Variants in PTPRZ1 observed in about 807,000 individuals in gnomAD.
The protein encoded by PTPRZ1 is protein tyrosine phosphatase receptor type Z1.
A neutral mutation model predicts 214.1 loss-of-function variants in PTPRZ1; 82 were observed. The ratio of observed to expected loss-of-function variants is 0.38; its 90% CI spans 0.32 to 0.46. The LOEUF is 0.46. Among genes scored for constraint, PTPRZ1 ranks in the 20% least tolerant of loss-of-function variants. The pLI is 1.00. For synonymous variants in PTPRZ1, 945 were observed against 987.9 expected (o/e 0.96, Z 0.81); for missense variants, 2,603 against 2,748.7 (o/e 0.95, Z 1.19).
chr7:122,023,477 A>G (rs1187005605), intron 13 of PTPRZ1, among the ~76,000 whole-genome samples: 1 of 139,530 alleles, frequency 7.2e-6, no homozygotes, highest in African/African-American at 2.6e-5. Flanking sequence ...TTATATATAT[A>G]TATAATTTTA....
intron 2 of PTPRZ1, among the ~76,000 whole-genome samples, chr7:121,938,429 T>C (rs949312519): frequency 2.0e-5 from 3 of 152,226 alleles, no homozygotes; most frequent in African/African-American, 7.2e-5. Context: ...ACTATTTGTG[T>C]TACCCTATTG....
At chr7:121,934,534 G>A (rs553244772) in intron 2 of PTPRZ1, among the ~76,000 whole-genome samples, 3 of 142,134 alleles carry the variant, frequency 2.1e-5, no homozygotes, top group South Asian at 2.3e-4. Flanking sequence ...CGATTTTCCC[G>A]TTTGTAAAAT....
intron 2 of PTPRZ1, among the ~76,000 whole-genome samples, chr7:121,955,148 A>G (rs776762051): frequency 6.6e-6 from 1 of 152,190 alleles, no homozygotes; most frequent in Non-Finnish European, 1.5e-5. Context: ...CTTTTACCAA[A>G]GGTAGGAAAC....
chr7:121,946,655 C>T lies in PTPRZ1; in HGVS notation c.124+18434C>T, dbSNP rs1185134891. On this transcript the variant is annotated intron_variant, in intron 2 of 29. Transcript: ENST00000393386. ...GAGATATTGCTATAACTTCAAAATACCTCCCCTCAAAATACTTTCTAATTA... is the reference window on the plus strand; with the variant it reads ...GAGATATTGCTATAACTTCAAAATATCTCCCCTCAAAATACTTTCTAATTA... Among the ~76,000 whole-genome samples the T allele has an allele frequency of 6.6e-5, 10 of 152,004 alleles. No individual in the cohort carries two copies. In the East Asian group the frequency reaches 1.7e-3, roughly 26 times the overall value.
At chr7:121,945,450 A>T (rs537077544) in intron 2 of PTPRZ1, among the ~76,000 whole-genome samples, 1 of 152,302 alleles carries the variant, frequency 6.6e-6, no homozygotes, top group South Asian at 2.1e-4. Flanking sequence ...TTTTTTAAGT[A>T]GGTAATTTTT....
At chr7:121,968,590 C>CA (rs1406526180) in intron 3 of PTPRZ1, among the ~76,000 whole-genome samples, 5 of 150,180 alleles carry the variant, frequency 3.3e-5, no homozygotes, top group African/African-American at 4.9e-5. Flanking sequence ...AGTTGTATCC[C>CA]ATCCTTAGGA....
chr7:122,034,642 T>C (rs1449452204), intron 17 of PTPRZ1, among the ~76,000 whole-genome samples: 4 of 152,222 alleles, frequency 2.6e-5, no homozygotes, highest in Admixed American at 2.6e-4. Flanking sequence ...CTTTCTTTCA[T>C]AGACTGTTCA....
Position 121,903,966 on chromosome 7 carries a change from TCA to T in PTPRZ1, c.59-24157_59-24156del, listed in dbSNP as rs57176542. Among the ~76,000 whole-genome samples, 278 of 123,698 alleles carry T rather than the reference TCA, an allele frequency of 2.2e-3. 1 individual carries two copies. Among genetic ancestry groups the T allele is most frequent in the South Asian group, 4.7e-3 (16 of 3,418 alleles). 81.2% of individuals were successfully genotyped at this position (123,698 alleles called of 152,430 possible). On this transcript the variant is annotated intron_variant, in intron 1 of 29. Coordinates refer to ENST00000393386, the MANE Select transcript of PTPRZ1 (RefSeq NM_002851.3). ...AGGATTCTGTTCCAGTCTTTAAATC[TCA>T]CACACACACACACACACACACACAC...
At chr7:122,036,399 A>G (rs1426924748) in intron 17 of PTPRZ1, among the ~76,000 whole-genome samples, 1 of 152,174 alleles carries the variant, frequency 6.6e-6, no homozygotes, top group Non-Finnish European at 1.5e-5. Context: ...ATTACCTTAG[A>G]AATGTTCCTG....
At chr7:121,981,326 C>T (rs1441967314) in intron 6 of PTPRZ1, among the ~76,000 whole-genome samples, 2 of 152,112 alleles carry the variant, frequency 1.3e-5, no homozygotes, top group Non-Finnish European at 2.9e-5. Context: ...GGGCCTGAGG[C>T]ATTGGTATTT....
chr7:122,010,767 T>C lies in PTPRZ1; in HGVS notation c.1721T>C (p.Leu574Ser). 1 of 1,613,982 alleles carries C rather than the reference T, an allele frequency of 6.2e-7. No individual in the cohort carries two copies. The change falls in exon 12 of 30, where the codon TTG becomes TCG. Residue 574 changes from leucine to serine, a missense_variant. This residue lies in a region of PTPRZ1 where 1,913 missense variants were observed against 1,914.3 expected (regional missense o/e 1.00). Transcript: ENST00000393386. Reference protein sequence around the residue: ...SITEYEEESLLTSFKLDTGAE... With the variant: ...SITEYEEESLSTSFKLDTGAE... ...ACAGAATATGAGGAGGAGAGTTTAT[T>C]GACCAGTTTCAAGCTTGATACTGGA...
chr7:121,926,477 T>G (rs1795767751), intron 1 of PTPRZ1, among the ~76,000 whole-genome samples: 2 of 152,084 alleles, frequency 1.3e-5, no homozygotes, highest in Non-Finnish European at 2.9e-5. Context: ...TGAAGGAGGA[T>G]GATGTATTGA....
At chr7:122,055,361 A>C (rs1274179126) in intron 27 of PTPRZ1, among the ~76,000 whole-genome samples, 4 of 151,984 alleles carry the variant, frequency 2.6e-5, no homozygotes, top group Admixed American at 2.6e-4. Flanking sequence ...ACTTAGGTGA[A>C]AAATAAACAC....
chr7:121,908,364 G>GTTGCCGTATCATT, intron 1 of PTPRZ1: 1 of 251,856 alleles, frequency 4.0e-6, no homozygotes, highest in Non-Finnish European at 7.8e-6. Flanking sequence ...AATCCCTTTG[G>GTTGCCGTATCATT]AAAAGAATAT....
chr7:121,988,863 T>A (rs1453922006), intron 8 of PTPRZ1, among the ~76,000 whole-genome samples: 5 of 152,182 alleles, frequency 3.3e-5, no homozygotes, highest in Non-Finnish European at 4.4e-5. Flanking sequence ...TAATTTAAAA[T>A]TTGCAAAGCC....
intron 27 of PTPRZ1, among the ~76,000 whole-genome samples, chr7:122,058,199 C>T (rs1792432409): frequency 6.6e-6 from 1 of 151,760 alleles, no homozygotes; most frequent in African/African-American, 2.4e-5. Context: ...TTAGGTTCTG[C>T]TACTTGTTTT....
intron 2 of PTPRZ1, among the ~76,000 whole-genome samples, chr7:121,960,989 C>A (rs999142192): frequency 7.3e-5 from 11 of 151,660 alleles, no homozygotes; most frequent in African/African-American, 2.7e-4. Flanking sequence ...TTCTTAAGTG[C>A]CAGGCTCTAA....
intron 2 of PTPRZ1, among the ~76,000 whole-genome samples, chr7:121,961,674 G>C (rs1339071430): frequency 6.6e-6 from 1 of 152,146 alleles, no homozygotes; most frequent in Non-Finnish European, 1.5e-5. Flanking sequence ...AAATATTGAA[G>C]ACATTCATTT....
intron 1 of PTPRZ1, among the ~76,000 whole-genome samples, chr7:121,873,863 C>T (rs1793965719): frequency 6.6e-6 from 1 of 152,218 alleles, no homozygotes; most frequent in African/African-American, 2.4e-5. Context: ...CACCGTTCTT[C>T]TCTCCTCTTT....
Sources: gnomAD v4.1 joint callset for allele counts (sites outside exome capture counted in the v4.1 genomes callset) on GRCh38, gnomAD v4.1.1 for gene constraint, gnomAD v4.1.1 regional missense constraint, MANE v1.5 for transcripts, NCBI Gene and HGNC (gene_info 2026-07-23, HGNC 2026-07-21) for gene names.